Variants in ANKRD28 observed in about 807,000 individuals in gnomAD.
The protein encoded by ANKRD28 is serine/threonine-protein phosphatase 6 regulatory ankyrin repeat subunit A.
A neutral mutation model predicts 126.5 loss-of-function variants in ANKRD28; 44 were observed. The observed-to-expected ratio is 0.35, with a 90% CI of 0.27 to 0.45. ANKRD28 has a LOEUF of 0.45. Among genes scored for constraint, ANKRD28 ranks in the 20% least tolerant of loss-of-function variants. The probability of loss-of-function intolerance (pLI) is 1.00; values close to 1 mark genes in which losing one functional copy is unlikely to be tolerated. For synonymous variants in ANKRD28, 442 were observed against 468.5 expected (o/e 0.94, Z 0.73); for missense variants, 1,110 against 1,316.6 (o/e 0.84, Z 2.43).
intron 5 of ANKRD28, among the ~76,000 whole-genome samples, chr3:15,736,185 G>A (rs1284010423): frequency 6.6e-6 from 1 of 152,284 alleles, no homozygotes; most frequent in East Asian, 1.9e-4. Flanking sequence ...GTTACAGTGG[G>A]ATATTTTGAG....
intron 2 of ANKRD28, among the ~76,000 whole-genome samples, chr3:15,774,945 C>G (rs886918062): frequency 1.6e-5 from 2 of 126,340 alleles, no homozygotes; most frequent in African/African-American, 6.2e-5. Flanking sequence ...AGCACAATCT[C>G]GGCTCACTGC....
Position 15,685,363 on chromosome 3 carries a change from G to T in ANKRD28, c.2252C>A (p.Thr751Lys), listed in dbSNP as rs758981755. ...ACAGGCAGCAGACAGGTGTATAGGC[G>T]TCCGGCCCCTGCTATCCCGAAGTAA... ...KCLLRDSRGR[T>K]PIHLSAACGH... Residue 751 changes from threonine (T) to lysine (K), a missense_variant, in exon 21 of 28, where the codon ACG (threonine) becomes AAG (lysine). By Grantham distance (78) the Thr-to-Lys change is moderately conservative. Transcript: ENST00000683139. 6.2e-7 allele frequency: 1 copy of T among 1,613,996 alleles called. No individual in the cohort carries two copies. Among genetic ancestry groups the T allele is most frequent in the Admixed American group, 1.7e-5 (1 of 60,028 alleles).
At chr3:15,777,849 T>TAC (rs569761948) in intron 2 of ANKRD28, among the ~76,000 whole-genome samples, 8,600 of 105,958 alleles carry the variant, frequency 0.081, 421 homozygotes, top group Middle Eastern at 0.1. Flanking sequence ...AAAACCAAAC[T>TAC]ACACACACAC....
intron 27 of ANKRD28, among the ~76,000 whole-genome samples, chr3:15,672,976 A>G (rs1022866712): frequency 6.6e-6 from 1 of 152,122 alleles, no homozygotes; most frequent in African/African-American, 2.4e-5. Flanking sequence ...GGGTTTTGCC[A>G]TGTTGGCGGG....
At chr3:15,832,934 G>C (rs372773791) in intron 1 of ANKRD28, among the ~76,000 whole-genome samples, 108 of 152,214 alleles carry the variant, frequency 7.1e-4, no homozygotes, top group African/African-American at 2.6e-3. Flanking sequence ...TTCCCTTAGG[G>C]TATATTCACA....
chr3:15,724,615 T>C, intron 6 of ANKRD28, 91 bp from the exon 7 acceptor site: 1 of 1,220,254 alleles, frequency 8.2e-7, no homozygotes, highest in Non-Finnish European at 1.1e-6. Flanking sequence ...ATTTAAAAAA[T>C]GCAAAATAGA....
rs2072416327 is a variant in ANKRD28 at position 15,712,313 on chromosome 3, A to G, written c.1191-91T>C. 1.2e-5 allele frequency: 13 copies of G among 1,055,892 alleles called. No individual in the cohort carries two copies. The East Asian group carries it at 3.4e-4, about 28-fold the overall frequency. The allele number at this position is 1,055,892 out of a possible 1,614,324, so 65.4% of individuals were successfully genotyped here. A position where few individuals can be genotyped will look rare whatever the true frequency, so the allele number is the denominator to read the frequency against. ...ATTACAAAGAGACCACTTAAGTGAAAGATAACTAAGAGCCAAAATGTCTAA... is the reference window on the plus strand; with the variant it reads ...ATTACAAAGAGACCACTTAAGTGAAGGATAACTAAGAGCCAAAATGTCTAA... On this transcript the variant is annotated intron_variant, in intron 10 of 27. Transcript: ENST00000683139.
At chr3:15,746,233 T>C (rs1346204070) in intron 4 of ANKRD28, among the ~76,000 whole-genome samples, 1 of 152,200 alleles carries the variant, frequency 6.6e-6, no homozygotes, top group Non-Finnish European at 1.5e-5. Flanking sequence ...TGGCTAGGAC[T>C]TCCAGTACTA....
At chr3:15,858,920 A>AG (rs994894091) in intron 1 of ANKRD28, among the ~76,000 whole-genome samples, 9 of 152,254 alleles carry the variant, frequency 5.9e-5, no homozygotes, top group Admixed American at 3.9e-4. Flanking sequence ...CTAGTCGCTA[A>AG]GAGGAATCAA....
In ANKRD28 at chr3:15,812,108, G is replaced by A. The variant is rs559264100; in HGVS notation, c.28-16802C>T. ...GCTGAGGTTGCAGTGAGCTGAGATT[G>A]AGGCACTGCACTCCAGCCTGGGCAA... On this transcript the variant is annotated intron_variant, in intron 1 of 27. Coordinates refer to the ANKRD28 transcript ENST00000399451. This position sits in a 1 kb window ranked among gnomAD's most constrained non-coding sequence, Gnocchi z 4.1. Among the ~76,000 whole-genome samples, 25 of 152,110 alleles carry A rather than the reference G, an allele frequency of 1.6e-4. No homozygotes were observed. The highest frequency in any genetic ancestry group is 4.1e-4 in the South Asian group (2 of 4,820).
intron 13 of ANKRD28, among the ~76,000 whole-genome samples, chr3:15,708,956 T>C (rs1196147954): frequency 6.6e-6 from 1 of 152,228 alleles, no homozygotes; most frequent in Non-Finnish European, 1.5e-5. Flanking sequence ...GTTTTGCTTA[T>C]ACTGTCATCT....
intron 2 of ANKRD28, among the ~76,000 whole-genome samples, chr3:15,785,061 C>T (rs893993406): frequency 3.9e-5 from 6 of 152,102 alleles, no homozygotes; most frequent in Non-Finnish European, 7.4e-5. Flanking sequence ...ACCCACATCT[C>T]AGCCCCATGG....
chr3:15,775,923 G>A (rs377527741), intron 2 of ANKRD28, among the ~76,000 whole-genome samples: 1 of 152,124 alleles, frequency 6.6e-6, no homozygotes, highest in African/African-American at 2.4e-5. Context: ...CCAGAGACTG[G>A]GGGGTGGGGG....
At chr3:15,716,283 T>TTA (rs1004306012) in intron 8 of ANKRD28, among the ~76,000 whole-genome samples, 6 of 136,664 alleles carry the variant, frequency 4.4e-5, no homozygotes, top group African/African-American at 1.8e-4. Context: ...CACCTGGACT[T>TTA]TTTTTTTTTT....
At chr3:15,782,424 A>T (rs4305410) in intron 2 of ANKRD28, among the ~76,000 whole-genome samples, 6,212 of 152,220 alleles carry the variant, frequency 0.041, 413 homozygotes, top group African/African-American at 0.14. Context: ...TATTGGTGAG[A>T]GAAATTAATA....
In ANKRD28 at chr3:15,828,680, C is replaced by G. The variant is rs180875215; in HGVS notation, c.27+30697G>C. Among the ~76,000 whole-genome samples the G allele has an allele frequency of 5.9e-5, 9 of 151,800 alleles. No individual in the cohort carries two copies. In the East Asian group the frequency reaches 1.7e-3, roughly 29 times the overall value. On this transcript the variant is annotated intron_variant, in intron 1 of 27. Coordinates refer to the ANKRD28 transcript ENST00000399451. Reference sequence around the variant, plus strand: ...CTGGGGGGGTGGGGGGGATTATTGCCTTCACATTTTTAACCTAATCTCTGA... The same window carrying G: ...CTGGGGGGGTGGGGGGGATTATTGCGTTCACATTTTTAACCTAATCTCTGA...
chr3:15,724,289 A>G (rs1461252876), intron 7 of ANKRD28, 93 bp downstream of exon 7: 2 of 1,107,212 alleles, frequency 1.8e-6, no homozygotes, highest in Non-Finnish European at 2.5e-6. Context: ...CATTGTATAA[A>G]ATAATTTCTT....
At chr3:15,734,785 C>T (rs189727693) in intron 6 of ANKRD28, among the ~76,000 whole-genome samples, 7 of 152,312 alleles carry the variant, frequency 4.6e-5, no homozygotes, top group South Asian at 4.1e-4. Context: ...TTTGTCTCCC[C>T]GGCTCTGCAA....
chr3:15,718,098 A>G (rs188917666), intron 8 of ANKRD28, among the ~76,000 whole-genome samples: 258 of 152,338 alleles, frequency 1.7e-3, no homozygotes, highest in Non-Finnish European at 2.6e-3. Flanking sequence ...CAAATTATAA[A>G]AAATACAGTT....
Sources: allele counts gnomAD v4.1 joint callset (sites outside exome capture counted in the v4.1 genomes callset), GRCh38; gene constraint gnomAD v4.1.1; non-coding constraint Gnocchi (gnomAD v3.1); transcripts MANE v1.5; gene names NCBI Gene and HGNC (gene_info 2026-07-23, HGNC 2026-07-21).